CCSER1: variants seen among roughly 807,000 people sequenced by gnomAD.
CCSER1 encodes the protein coiled-coil serine rich protein 1.
In CCSER1, 41 loss-of-function variants were observed where a neutral mutation model predicts 82.0. That is an observed-to-expected ratio of 0.50 (90% CI 0.39 to 0.65). The LOEUF (loss-of-function observed/expected upper bound fraction) is 0.65. CCSER1 is among the 30% of genes least tolerant of loss of function. CCSER1 has a pLI of 0.00. For missense variants in CCSER1, 1,119 were observed against 1,064.2 expected, an observed-to-expected ratio of 1.05 and a Z score of -0.72; for synonymous variants, 414 against 383.9, an observed-to-expected ratio of 1.08 and a Z score of -0.92.
chr4:91,150,121 T>A lies in CCSER1; in HGVS notation c.2217+64127T>A, dbSNP rs370759949. Among the ~76,000 whole-genome samples the A allele has an allele frequency of 7.9e-5, 12 of 152,336 alleles. No individual in the cohort carries two copies. In the East Asian group the frequency reaches 1.7e-3, roughly 22 times the overall value. On this transcript the variant is annotated intron_variant, in intron 10 of 10. Coordinates refer to ENST00000509176, the MANE Select transcript of CCSER1 (RefSeq NM_001145065.2). ...TCTTCCTATCCATGAGCATGGAATG[T>A]TCCTCCATTTGTTTGTATCCTCTTT...
intron 10 of CCSER1, among the ~76,000 whole-genome samples, chr4:91,270,510 C>T (rs1196435669): frequency 6.6e-6 from 1 of 151,966 alleles, no homozygotes; most frequent in African/African-American, 2.4e-5. Context: ...TACATTCATT[C>T]TCTGTGACAG....
At chr4:91,267,680 A>G (rs1741710528) in intron 10 of CCSER1, among the ~76,000 whole-genome samples, 1 of 152,182 alleles carries the variant, frequency 6.6e-6, no homozygotes, top group African/African-American at 2.4e-5. Context: ...GAAATGGTTT[A>G]CTACACTTCA....
chr4:91,262,999 A>G (rs1019784513), intron 10 of CCSER1, among the ~76,000 whole-genome samples: 49 of 152,038 alleles, frequency 3.2e-4, no homozygotes, highest in Non-Finnish European at 3.2e-4. Flanking sequence ...CTGGGCCTTA[A>G]TATCATCATC....
At chr4:90,887,356 C>T (rs991556795) in intron 8 of CCSER1, among the ~76,000 whole-genome samples, 2 of 152,262 alleles carry the variant, frequency 1.3e-5, no homozygotes, top group African/African-American at 4.8e-5. Context: ...TGGTTCCTTG[C>T]CTACCTTCTC....
intron 10 of CCSER1, among the ~76,000 whole-genome samples, chr4:91,263,645 A>G (rs1741358137): frequency 6.6e-6 from 1 of 152,004 alleles, no homozygotes; most frequent in Non-Finnish European, 1.5e-5. Context: ...CATTTGATAT[A>G]TATTGAAATT....
At chr4:90,269,954 C>T (rs1244852088) in intron 1 of CCSER1, among the ~76,000 whole-genome samples, 1 of 151,970 alleles carries the variant, frequency 6.6e-6, no homozygotes, top group Admixed American at 6.6e-5. Flanking sequence ...ACACATATAA[C>T]CTACCAAGAT....
At chr4:90,875,735 G>A (rs1767115383) in intron 8 of CCSER1, among the ~76,000 whole-genome samples, 1 of 152,114 alleles carries the variant, frequency 6.6e-6, no homozygotes. Flanking sequence ...TGCCACAAAT[G>A]TTTCAACAGC....
chr4:90,934,977 CTTGA>C (rs1561389629), intron 9 of CCSER1, among the ~76,000 whole-genome samples: 1 of 151,656 alleles, frequency 6.6e-6, no homozygotes, highest in Non-Finnish European at 1.5e-5. Context: ...AGGGGACTGT[CTTGA>C]TTAAGGAAAC....
intron 8 of CCSER1, among the ~76,000 whole-genome samples, chr4:90,923,041 A>G (rs1728606602): frequency 6.6e-6 from 1 of 152,184 alleles, no homozygotes; most frequent in Admixed American, 6.5e-5. Context: ...CAGCAAAATA[A>G]TAGCAACTAA....
chr4:91,558,017 A>G (rs1368156505), intron 10 of CCSER1, among the ~76,000 whole-genome samples: 1 of 151,112 alleles, frequency 6.6e-6, no homozygotes, highest in Non-Finnish European at 1.5e-5. Context: ...TACTTTAAAT[A>G]TTTCTTAAAC....
Position 90,159,109 on chromosome 4 carries a change from C to T in CCSER1, c.-42+31278C>T, listed in dbSNP as rs1046359884. 2.0e-5 allele frequency among the ~76,000 whole-genome samples: 3 copies of T among 152,124 alleles called. No individual in the cohort carries two copies. In the South Asian group the frequency reaches 6.2e-4, roughly 32 times the overall value. ...AGTGTAGTGGTACAATCATAGCTCC[C>T]TGCAGCCTCAAACTCCTGAGCTCAA... On this transcript the variant is annotated intron_variant, in intron 1 of 10. Transcript: ENST00000509176.
intron 1 of CCSER1, among the ~76,000 whole-genome samples, chr4:90,153,951 C>G (rs982174772): frequency 6.6e-6 from 1 of 152,104 alleles, no homozygotes; most frequent in Non-Finnish European, 1.5e-5. Context: ...AAGTCCTTGC[C>G]CATGCCTCTG....
At chr4:90,170,159 A>G (rs572823231) in intron 1 of CCSER1, among the ~76,000 whole-genome samples, 3 of 152,126 alleles carry the variant, frequency 2.0e-5, no homozygotes, top group Non-Finnish European at 4.4e-5. Context: ...AAATATATCT[A>G]TTACCAGGCA....
At chr4:90,490,590 C>T (rs1767849118) in intron 5 of CCSER1, among the ~76,000 whole-genome samples, 1 of 152,068 alleles carries the variant, frequency 6.6e-6, no homozygotes, top group Non-Finnish European at 1.5e-5. Flanking sequence ...ACATGAAGTC[C>T]TTGCCCATGC....
At chr4:91,158,802 G>C (rs1326860945) in intron 10 of CCSER1, among the ~76,000 whole-genome samples, 1 of 151,868 alleles carries the variant, frequency 6.6e-6, no homozygotes, top group African/African-American at 2.4e-5. Flanking sequence ...GGCTCAATCA[G>C]GTGAATCACA....
At chr4:90,913,773 C>T (rs1021702924) in intron 8 of CCSER1, among the ~76,000 whole-genome samples, 1 of 151,424 alleles carries the variant, frequency 6.6e-6, no homozygotes, top group Non-Finnish European at 1.5e-5. Flanking sequence ...CACAGATAGG[C>T]CCAAAATAAA....
chr4:91,454,802 C>G (rs1488883761), intron 10 of CCSER1, among the ~76,000 whole-genome samples: 1 of 151,690 alleles, frequency 6.6e-6, no homozygotes, highest in Non-Finnish European at 1.5e-5. Flanking sequence ...GTGTTAATTT[C>G]CCAAAATCGA....
At chr4:91,384,010 G>T (rs566897855) in intron 10 of CCSER1, among the ~76,000 whole-genome samples, 18 of 152,258 alleles carry the variant, frequency 1.2e-4, no homozygotes, top group African/African-American at 4.3e-4. Context: ...TTTTGTTAAA[G>T]AATCAACTTT....
At chr4:90,633,791 G>T (rs1396636912) in intron 6 of CCSER1, among the ~76,000 whole-genome samples, 1 of 151,932 alleles carries the variant, frequency 6.6e-6, no homozygotes, top group South Asian at 2.1e-4. Flanking sequence ...TAATTTTGAG[G>T]TGAGCTAAGA....
Sources: allele counts gnomAD v4.1 joint callset (sites outside exome capture counted in the v4.1 genomes callset), GRCh38; gene constraint gnomAD v4.1.1; transcripts MANE v1.5; gene names NCBI Gene and HGNC (gene_info 2026-07-23, HGNC 2026-07-21).